The following DSCAML1 variants were observed in gnomAD, a reference collection of about 807,000 sequenced individuals.
The protein encoded by DSCAML1 is DS cell adhesion molecule like 1, also known as cell adhesion molecule DSCAML1.
DSCAML1 carries 38 observed loss-of-function variants against 200.5 expected under a neutral mutation model. That is an observed-to-expected ratio of 0.19 (90% CI 0.15 to 0.25). The LOEUF (loss-of-function observed/expected upper bound fraction) is 0.25. DSCAML1 is among the 10% of genes least tolerant of loss of function. The pLI, the probability that DSCAML1 is intolerant of heterozygous loss-of-function variation, is 1.00. For synonymous variants in DSCAML1, 1,215 were observed against 1,165.0 expected (o/e 1.04, Z -0.87); for missense variants, 2,223 against 2,858.8 (o/e 0.78, Z 5.07).
intron 1 of DSCAML1, among the ~76,000 whole-genome samples, chr11:117,816,026 C>T (rs1331617361): frequency 1.3e-5 from 2 of 152,086 alleles, no homozygotes; most frequent in East Asian, 1.9e-4. Flanking sequence ...CCCCCAATCT[C>T]CCAATGCCAC....
intron 11 of DSCAML1, among the ~76,000 whole-genome samples, chr11:117,502,984 C>T (rs1017225254): frequency 6.6e-6 from 1 of 152,152 alleles, no homozygotes; most frequent in African/African-American, 2.4e-5. Context: ...CCCTTATAGC[C>T]ATGTCTTGAC....
rs1469159475 is a variant in DSCAML1 at position 117,430,951 on chromosome 11, C to T, written c.5457G>A (p.Lys1819=). 1.9e-5 allele frequency: 30 copies of T among 1,614,060 alleles called. No homozygotes were observed. Among genetic ancestry groups the T allele is most frequent in the Non-Finnish European group, 2.5e-5 (29 of 1,180,038 alleles). The change falls in exon 32 of 33, where the codon AAG becomes AAA. Residue 1819 remains lysine (K), a synonymous_variant. Transcript: ENST00000651296. The part of the protein sequence containing the change: ...EELARAYEHA[K]LEEQLQHAKF... ...TGGCGTGCTGCAGCTGCTCCTCCAG[C>T]TTGGCATGCTCATAGGCCCGGGCCA...
At chr11:117,609,448 C>T (rs963855036) in intron 3 of DSCAML1, among the ~76,000 whole-genome samples, 2 of 151,826 alleles carry the variant, frequency 1.3e-5, no homozygotes, top group Admixed American at 1.3e-4. Flanking sequence ...GTTGGGACCA[C>T]AGGCGTGCAC....
chr11:117,659,623 G>C (rs1017254594), intron 3 of DSCAML1, among the ~76,000 whole-genome samples: 4 of 152,186 alleles, frequency 2.6e-5, no homozygotes. Flanking sequence ...AAGCCACTGG[G>C]CTTGGCTCTG....
chr11:117,775,403 C>T (rs1051528163), intron 3 of DSCAML1, among the ~76,000 whole-genome samples: 1 of 152,164 alleles, frequency 6.6e-6, no homozygotes, highest in African/African-American at 2.4e-5. Context: ...GGCTCTCCTC[C>T]CCAGACAAAA....
chr11:117,760,242 G>T (rs1286453386), intron 3 of DSCAML1, among the ~76,000 whole-genome samples: 4 of 152,126 alleles, frequency 2.6e-5, no homozygotes, highest in African/African-American at 4.8e-5. Flanking sequence ...GTTTCTTTTG[G>T]CATATTTTCT....
chr11:117,474,206 C>T (rs902907350), intron 14 of DSCAML1, among the ~76,000 whole-genome samples: 4 of 152,162 alleles, frequency 2.6e-5, no homozygotes, highest in African/African-American at 4.8e-5. Context: ...AGGTGACCTT[C>T]GCGGCACCAA....
intron 3 of DSCAML1, among the ~76,000 whole-genome samples, chr11:117,571,419 C>A (rs534950412): frequency 2.1e-4 from 32 of 152,250 alleles, no homozygotes; most frequent in African/African-American, 7.7e-4. Context: ...GAGTGAGGGG[C>A]CACGCTGGAA....
chr11:117,598,495 C>T (rs1286893681), intron 3 of DSCAML1, among the ~76,000 whole-genome samples: 1 of 152,182 alleles, frequency 6.6e-6, no homozygotes, highest in East Asian at 1.9e-4. Flanking sequence ...TAGGAGATTG[C>T]AGCTGTCCAA....
intron 3 of DSCAML1, among the ~76,000 whole-genome samples, chr11:117,565,585 T>C (rs542391338): frequency 6.6e-6 from 1 of 152,366 alleles, no homozygotes; most frequent in Non-Finnish European, 1.5e-5. Context: ...ATTCCACTGC[T>C]CTATCCTAAG....
At chr11:117,487,720 G>A (rs1360213516) in intron 11 of DSCAML1, among the ~76,000 whole-genome samples, 5 of 152,170 alleles carry the variant, frequency 3.3e-5, no homozygotes, top group Non-Finnish European at 5.9e-5. Context: ...TGACCAGTAA[G>A]ATGGGCCGAT....
At chr11:117,758,539 C>T (rs2054738820) in intron 3 of DSCAML1, among the ~76,000 whole-genome samples, 1 of 151,706 alleles carries the variant, frequency 6.6e-6, no homozygotes, top group South Asian at 2.1e-4. Context: ...GTAGCTGGGA[C>T]TACAGGCGCC....
At chr11:117,465,551 T>A (rs911722184) in intron 16 of DSCAML1, among the ~76,000 whole-genome samples, 2 of 152,202 alleles carry the variant, frequency 1.3e-5, no homozygotes, top group African/African-American at 4.8e-5. Flanking sequence ...TGGCACTCCT[T>A]ATTTTTCTTC....
intron 14 of DSCAML1, among the ~76,000 whole-genome samples, chr11:117,476,946 A>G (rs928705030): frequency 4.6e-5 from 7 of 152,174 alleles, no homozygotes; most frequent in Non-Finnish European, 1.0e-4. Context: ...GACACAGGAC[A>G]GGAATCTGTG....
chr11:117,814,011 G>A (rs1399152686), intron 1 of DSCAML1, among the ~76,000 whole-genome samples: 1 of 152,108 alleles, frequency 6.6e-6, no homozygotes, highest in East Asian at 1.9e-4. Flanking sequence ...GCCCTGCCCC[G>A]CCTTAACTGA....
chr11:117,540,140 G>C (rs2050240488), intron 3 of DSCAML1, among the ~76,000 whole-genome samples: 1 of 152,222 alleles, frequency 6.6e-6, no homozygotes, highest in Non-Finnish European at 1.5e-5. Context: ...GGAAAAGGGG[G>C]AGTTGTTTAA....
In DSCAML1 at chr11:117,662,663, C is replaced by G. The variant is rs12279117; in HGVS notation, c.511+114128G>C. ...TCTAGATTGTGAAATGGACAGTATT[C>G]AATTACACAGGGACATTGGTTTTCA... On this transcript the variant is annotated intron_variant, in intron 3 of 32. Coordinates refer to ENST00000651296, the MANE Select transcript of DSCAML1 (RefSeq NM_020693.4). Among the ~76,000 whole-genome samples the G allele has an allele frequency of 4.5e-3, 687 of 152,348 alleles. 4 individuals carry two copies. Among genetic ancestry groups the G allele is most frequent in the African/African-American group, 0.016 (645 of 41,584 alleles).
At chr11:117,816,018 C>T (rs1373820855) in intron 1 of DSCAML1, among the ~76,000 whole-genome samples, 1 of 152,096 alleles carries the variant, frequency 6.6e-6, no homozygotes, top group Non-Finnish European at 1.5e-5. Context: ...GAGACCCTCC[C>T]CCAATCTCCC....
At chr11:117,448,390 G>GTTCAGCC (rs1418387311) in intron 20 of DSCAML1, among the ~76,000 whole-genome samples, 2 of 152,196 alleles carry the variant, frequency 1.3e-5, no homozygotes, top group Non-Finnish European at 2.9e-5. Flanking sequence ...CAGGCACAGT[G>GTTCAGCC]TTCAGCCTCT....
Sources: gnomAD v4.1 joint callset for allele counts (sites outside exome capture counted in the v4.1 genomes callset) on GRCh38, gnomAD v4.1.1 for gene constraint, MANE v1.5 for transcripts, NCBI Gene and HGNC (gene_info 2026-07-23, HGNC 2026-07-21) for gene names.